FAM118A: variants seen among roughly 807,000 people sequenced by gnomAD.
The protein encoded by FAM118A is protein FAM118A.
A neutral mutation model predicts 38.2 loss-of-function variants in FAM118A; 25 were observed. The ratio of observed to expected loss-of-function variants is 0.65; its 90% CI spans 0.48 to 0.91. FAM118A has a LOEUF of 0.91. Among genes scored for constraint, FAM118A ranks in the 40% least tolerant of loss-of-function variants. The pLI, the probability that FAM118A is intolerant of heterozygous loss-of-function variation, is 0.00. For missense variants in FAM118A, 425 were observed against 463.3 expected, an observed-to-expected ratio of 0.92 and a Z score of 0.76; for synonymous variants, 178 against 184.1, an observed-to-expected ratio of 0.97 and a Z score of 0.27.
chr22:45,335,105 G>T (rs1407473081), intron 6 of FAM118A: 3 of 518,248 alleles, frequency 5.8e-6, no homozygotes, highest in Non-Finnish European at 1.0e-5. Flanking sequence ...TGACAGTCAT[G>T]CTAGTGATCG....
upstream of FAM118A, chr22:45,309,801 T>G (rs1395767568): frequency 1.6e-5 from 2 of 122,022 alleles, no homozygotes; most frequent in Non-Finnish European, 2.0e-5. Context: ...CCAGAGGATC[T>G]GGCGGCGGGG....
In FAM118A at chr22:45,320,437, C is replaced by CT. The variant is rs1159738857; in HGVS notation, c.-9-1923dup. On this transcript the variant is annotated intron_variant, in intron 1 of 8. Coordinates refer to ENST00000441876, the MANE Select transcript of FAM118A (RefSeq NM_017911.4). ...TTTTCTTTTCTTCCTTCTTCTTCTTCTTTTTTTTTTTCTTTTTAAGACAGG... is the reference window on the plus strand; with the variant it reads ...TTTTCTTTTCTTCCTTCTTCTTCTTCTTTTTTTTTTTTCTTTTTAAGACAGG... Among the ~76,000 whole-genome samples, 218 of 116,734 alleles carry CT rather than the reference C, an allele frequency of 1.9e-3. 1 individual carries two copies. The highest frequency in any genetic ancestry group is 4.0e-3 in the African/African-American group (126 of 31,274). The allele number at this position is 116,734 out of a possible 152,430, so 76.6% of individuals were successfully genotyped here.
At chr22:45,321,679 C>G (rs2084887334) in intron 1 of FAM118A, 1 of 153,990 alleles carries the variant, frequency 6.5e-6, no homozygotes, top group African/African-American at 2.4e-5. Flanking sequence ...TCCCAAAATG[C>G]TGGGATTACA....
intron 8 of FAM118A, among the ~76,000 whole-genome samples, 179 bp from the exon 9 acceptor site, chr22:45,340,207 C>T (rs1259489049): frequency 6.6e-6 from 1 of 152,234 alleles, no homozygotes; most frequent in Non-Finnish European, 1.5e-5. Flanking sequence ...CCTGATAGTA[C>T]TGATAATTAC....
intron 1 of FAM118A, among the ~76,000 whole-genome samples, chr22:45,316,330 A>G (rs931480572): frequency 7.2e-5 from 11 of 152,046 alleles, no homozygotes; most frequent in African/African-American, 2.4e-4. Context: ...GTGAGCCTCC[A>G]CATCCAGCCT....
intron 8 of FAM118A, chr22:45,337,795 C>G (rs886737065): frequency 1.0e-6 from 1 of 984,394 alleles, no homozygotes; most frequent in Non-Finnish European, 1.2e-6. Flanking sequence ...TCTGCAGACC[C>G]CAGTGTGGGG....
intron 2 of FAM118A, 29 bp from the exon 3 acceptor site, chr22:45,323,146 C>G (rs1418943247): frequency 3.7e-6 from 6 of 1,601,964 alleles, no homozygotes; most frequent in Non-Finnish European, 5.1e-6. Flanking sequence ...CTTTGACTTT[C>G]ATTCTCTTGC....
At chr22:45,333,799 C>T (rs990816548) in intron 6 of FAM118A, among the ~76,000 whole-genome samples, 5 of 151,970 alleles carry the variant, frequency 3.3e-5, no homozygotes, top group Admixed American at 2.6e-4. Context: ...TGTGATCAGG[C>T]CACTTATTCC....
At chr22:45,318,943 C>G (rs1041068282) in intron 1 of FAM118A, 1 of 152,168 alleles carries the variant, frequency 6.6e-6, no homozygotes, top group Non-Finnish European at 1.5e-5. Flanking sequence ...CCCAGGAGTG[C>G]GAGCTGTGGC....
At chr22:45,334,356 G>T (rs1424825243) in intron 6 of FAM118A, among the ~76,000 whole-genome samples, 1 of 152,188 alleles carries the variant, frequency 6.6e-6, no homozygotes, top group Non-Finnish European at 1.5e-5. Flanking sequence ...CACAGAGGCA[G>T]GTATATGTGA....
chr22:45,332,397 A>C lies in FAM118A; in HGVS notation c.652-28A>C, dbSNP rs200554822. 7 of 1,592,646 alleles carry C rather than the reference A, an allele frequency of 4.4e-6. No individual in the cohort carries two copies. In the South Asian group the frequency reaches 8.0e-5, roughly 18 times the overall value. On this transcript the variant is annotated intron_variant, in intron 5 of 8. Coordinates refer to ENST00000441876, the MANE Select transcript of FAM118A (RefSeq NM_017911.4). Reference sequence around the variant, plus strand: ...AGCTCTTGCTGTCTTTCAAATGAGCACTCAATTTCTTCATTGGCCTTTTCT... The same window carrying C: ...AGCTCTTGCTGTCTTTCAAATGAGCCCTCAATTTCTTCATTGGCCTTTTCT...
In FAM118A at chr22:45,335,357, T is replaced by TC; in HGVS notation, c.946dup (p.Arg316ProfsTer10). 1 of 1,614,246 alleles carries TC rather than the reference T, an allele frequency of 6.2e-7. No homozygotes were observed. The highest frequency in any genetic ancestry group is 8.5e-7 in the Non-Finnish European group (1 of 1,180,032). On this transcript the variant is annotated frameshift_variant, in exon 7 of 9. Transcript: ENST00000441876. LOFTEE classifies it high-confidence loss of function. ...CTTTTCTTTCTCCTTCAGATGCTGA[T>TC]CGCGTGGACAGCACCACATTATTGG...
intron 1 of FAM118A, among the ~76,000 whole-genome samples, chr22:45,319,940 A>C (rs1275840250): frequency 1.3e-5 from 2 of 152,210 alleles, no homozygotes; most frequent in African/African-American, 4.8e-5. Context: ...GTAAGGTCGC[A>C]GACATGTTTG....
intron 1 of FAM118A, among the ~76,000 whole-genome samples, chr22:45,314,719 G>A (rs1218072625): frequency 1.3e-5 from 2 of 152,340 alleles, no homozygotes; most frequent in East Asian, 3.9e-4. Flanking sequence ...ACAAGCCCCT[G>A]GCCTCTGTCT....
In FAM118A at chr22:45,315,495, G is replaced by A. The variant is rs938669879; in HGVS notation, c.-10+5312G>A. 3.3e-5 allele frequency among the ~76,000 whole-genome samples: 5 copies of A among 152,206 alleles called. No individual in the cohort carries two copies. The South Asian group carries it at 6.2e-4, about 19-fold the overall frequency. ...TGGTGCTAGCGTGAGGCGGTTGAGA[G>A]TAACAGACACTGTACACTTTATTAA... On this transcript the variant is annotated intron_variant, in intron 1 of 8. Transcript: ENST00000441876.
At chr22:45,339,089 C>T (rs1432390193) in intron 8 of FAM118A, among the ~76,000 whole-genome samples, 1 of 152,192 alleles carries the variant, frequency 6.6e-6, no homozygotes, top group Non-Finnish European at 1.5e-5. Flanking sequence ...CTGTCACAGA[C>T]TCGACATCCT....
rs2086458692 is a variant in FAM118A, at chr22:45,341,649, C to G, written c.*1244C>G. Reference sequence around the variant, plus strand: ...GCCGGTGCCCGGGGAGCTTCTCTGACTGTGACCCGGCAGAGGCTTCTGTGG... The same window carrying G: ...GCCGGTGCCCGGGGAGCTTCTCTGAGTGTGACCCGGCAGAGGCTTCTGTGG... On this transcript the variant is annotated 3_prime_UTR_variant, in exon 9 of 9. Transcript: ENST00000441876. The G allele has an allele frequency of 6.6e-6, 1 of 152,256 alleles. No individual in the cohort carries two copies. Among genetic ancestry groups the G allele is most frequent in the African/African-American group, 2.4e-5 (1 of 41,438 alleles). The allele number at this position is 152,256 out of a possible 1,614,324, so 9.4% of individuals were successfully genotyped here. A position where few individuals can be genotyped will look rare whatever the true frequency, so the allele number is the denominator to read the frequency against.
At chr22:45,333,975 A>C in intron 6 of FAM118A, among the ~76,000 whole-genome samples, 1 of 152,238 alleles carries the variant, frequency 6.6e-6, no homozygotes, top group East Asian at 1.9e-4. Flanking sequence ...GTGATACTTA[A>C]CACTTGAAAG....
In FAM118A at chr22:45,340,666, C is replaced by T; in HGVS notation, c.*261C>T. On this transcript the variant is annotated 3_prime_UTR_variant, in exon 9 of 9. Transcript: ENST00000441876. ...GGATAGCTACCTCAGGGACCAGAAT[C>T]CGTGGGAAGGGATGGACCTGGTGTT... 1.9e-6 allele frequency: 1 copy of T among 536,636 alleles called. No individual in the cohort carries two copies. Among genetic ancestry groups the T allele is most frequent in the Non-Finnish European group, 3.3e-6 (1 of 303,378 alleles). 33.2% of individuals were successfully genotyped at this position (536,636 alleles called of 1,614,324 possible).
Sources: gnomAD v4.1 joint callset for allele counts (sites outside exome capture counted in the v4.1 genomes callset) on GRCh38, gnomAD v4.1.1 for gene constraint, MANE v1.5 for transcripts, NCBI Gene and HGNC (gene_info 2026-07-23, HGNC 2026-07-21) for gene names.